The following MARCHF1 variants were observed in gnomAD, a reference collection of about 807,000 sequenced individuals.
The protein encoded by MARCHF1 is membrane associated ring-CH-type finger 1, also known as E3 ubiquitin-protein ligase MARCHF1.
Under a neutral mutation model 54.2 loss-of-function variants are expected in MARCHF1, and 40 were observed. That is an observed-to-expected ratio of 0.74 (90% CI 0.57 to 0.96). The LOEUF (loss-of-function observed/expected upper bound fraction) is 0.96, where lower values mean the gene tolerates loss of function less well. Among genes scored for constraint, MARCHF1 ranks in the 40% least tolerant of loss-of-function variants. The pLI is 0.00. For missense variants in MARCHF1, 586 were observed against 656.5 expected, an observed-to-expected ratio of 0.89 and a Z score of 1.17; for synonymous variants, 236 against 236.3, an observed-to-expected ratio of 1.00 and a Z score of 0.01.
rs1752695707 is a variant in MARCHF1, at chr4:163,978,627, G to T, written c.-39+9874C>A. Among the ~76,000 whole-genome samples the T allele has an allele frequency of 2.0e-5, 3 of 152,206 alleles. No individual in the cohort carries two copies. In the South Asian group the frequency reaches 6.2e-4, roughly 32 times the overall value. The stretch of plus-strand genomic sequence containing the variant: ...CCAGTCAGTCTTCTTCCAGATACAT[G>T]CTTTTAACCACCTTACTCTGTTGCC... On this transcript the variant is annotated intron_variant, in intron 3 of 9. Transcript: ENST00000514618.
intron 1 of MARCHF1, among the ~76,000 whole-genome samples, chr4:164,113,861 C>T (rs188444892): frequency 4.4e-4 from 67 of 151,990 alleles, no homozygotes; most frequent in African/African-American, 1.4e-3. Context: ...AAATTGAGCA[C>T]AACACTTCTC....
At chr4:164,033,174 G>A (rs866988820) in intron 2 of MARCHF1, among the ~76,000 whole-genome samples, 6 of 147,666 alleles carry the variant, frequency 4.1e-5, no homozygotes, top group South Asian at 2.1e-4. Flanking sequence ...ACTCCATCTC[G>A]GGAAAAAAAA....
chr4:163,894,558 T>G (rs1186381382), intron 3 of MARCHF1, among the ~76,000 whole-genome samples: 1 of 127,816 alleles, frequency 7.8e-6, no homozygotes, highest in African/African-American at 2.8e-5. Flanking sequence ...CTCCTGCACA[T>G]GCATATATAT....
At chr4:163,979,057 C>T in intron 3 of MARCHF1, among the ~76,000 whole-genome samples, 1 of 138,294 alleles carries the variant, frequency 7.2e-6, no homozygotes. Flanking sequence ...TTTTAGGGTA[C>T]ATGTGCACAT....
At chr4:163,795,384 C>G (rs1579292816) in intron 4 of MARCHF1, among the ~76,000 whole-genome samples, 1 of 152,128 alleles carries the variant, frequency 6.6e-6, no homozygotes, top group Non-Finnish European at 1.5e-5. Context: ...CGCACACCAC[C>G]AGGCCCAGCT....
At chr4:163,731,352 G>GA (rs367643962) in intron 4 of MARCHF1, among the ~76,000 whole-genome samples, 1 of 152,092 alleles carries the variant, frequency 6.6e-6, no homozygotes, top group Non-Finnish European at 1.5e-5. Context: ...TGGAACAGCT[G>GA]AAAAAAACAA....
At chr4:163,842,255 C>T (rs181916946) in intron 4 of MARCHF1, among the ~76,000 whole-genome samples, 141 of 152,070 alleles carry the variant, frequency 9.3e-4, no homozygotes, top group African/African-American at 2.7e-3. Flanking sequence ...TAATGTGTCA[C>T]CTTGGGCGAG....
At chr4:163,923,561 A>C (rs914817048) in intron 3 of MARCHF1, among the ~76,000 whole-genome samples, 1 of 152,112 alleles carries the variant, frequency 6.6e-6, no homozygotes, top group Non-Finnish European at 1.5e-5. Context: ...GCAAGGAAGA[A>C]GGATACTATC....
At chr4:163,606,340 C>G (rs1741141428) in intron 7 of MARCHF1, among the ~76,000 whole-genome samples, 1 of 152,110 alleles carries the variant, frequency 6.6e-6, no homozygotes, top group African/African-American at 2.4e-5. Flanking sequence ...TCTGTTTGAG[C>G]ACTGCCTGAA....
At chr4:163,883,765 T>A (rs1208083525) in intron 3 of MARCHF1, among the ~76,000 whole-genome samples, 1 of 151,912 alleles carries the variant, frequency 6.6e-6, no homozygotes, top group African/African-American at 2.4e-5. Flanking sequence ...TGTCTTGTAT[T>A]TTTTTGCTAA....
chr4:164,317,510 G>C (rs1438724975), intron 1 of MARCHF1, among the ~76,000 whole-genome samples: 1 of 152,084 alleles, frequency 6.6e-6, no homozygotes, highest in Non-Finnish European at 1.5e-5. Context: ...CTAAGCAAGA[G>C]GGTGAAAAAG....
intron 1 of MARCHF1, among the ~76,000 whole-genome samples, chr4:164,197,891 C>A (rs1731327298): frequency 6.6e-6 from 1 of 152,072 alleles, no homozygotes; most frequent in Non-Finnish European, 1.5e-5. Flanking sequence ...TCAAGCAGAA[C>A]AATTATTCAA....
At chr4:164,105,281 G>A (rs1755666093) in intron 2 of MARCHF1, among the ~76,000 whole-genome samples, 1 of 108,712 alleles carries the variant, frequency 9.2e-6, no homozygotes, top group Non-Finnish European at 2.0e-5. Flanking sequence ...AGTTCATATG[G>A]AACCAAAAAA....
chr4:164,239,383 T>C (rs1036015478), intron 1 of MARCHF1, among the ~76,000 whole-genome samples: 4 of 152,138 alleles, frequency 2.6e-5, no homozygotes, highest in East Asian at 1.9e-4. Flanking sequence ...ACTACTGTTA[T>C]AGTTTAAAAA....
chr4:164,341,302 T>C (rs1180825087), intron 1 of MARCHF1, among the ~76,000 whole-genome samples: 1 of 150,378 alleles, frequency 6.6e-6, no homozygotes, highest in Non-Finnish European at 1.5e-5. Flanking sequence ...CCCAGCATAC[T>C]CAAGAGTAAA....
intron 1 of MARCHF1, among the ~76,000 whole-genome samples, chr4:164,259,413 G>A (rs1487541734): frequency 1.3e-5 from 2 of 151,624 alleles, no homozygotes; most frequent in African/African-American, 4.8e-5. Flanking sequence ...AGGTAGTGGT[G>A]TGCACCTGTA....
intron 4 of MARCHF1, among the ~76,000 whole-genome samples, chr4:163,783,579 A>G (rs1317404523): frequency 6.6e-6 from 1 of 152,208 alleles, no homozygotes; most frequent in Non-Finnish European, 1.5e-5. Context: ...AGCCTGGGAA[A>G]TGTTGATTTT....
At chr4:164,241,662 C>A (rs1486081491) in intron 1 of MARCHF1, among the ~76,000 whole-genome samples, 5 of 152,168 alleles carry the variant, frequency 3.3e-5, no homozygotes, top group Non-Finnish European at 7.4e-5. Context: ...GTCTACAGCT[C>A]CCAGCGTGAG....
intron 5 of MARCHF1, among the ~76,000 whole-genome samples, chr4:163,675,000 A>G (rs1313981512): frequency 2.0e-5 from 3 of 152,184 alleles, no homozygotes; most frequent in Non-Finnish European, 4.4e-5. Context: ...ACAAAATTTA[A>G]TAAAGATAAA....
Sources: gnomAD v4.1 joint callset for allele counts (sites outside exome capture counted in the v4.1 genomes callset) on GRCh38, gnomAD v4.1.1 for gene constraint, MANE v1.5 for transcripts, NCBI Gene and HGNC (gene_info 2026-07-23, HGNC 2026-07-21) for gene names.